Variants in PPARGC1A observed in about 807,000 individuals in gnomAD.
PPARGC1A encodes peroxisome proliferator-activated receptor gamma coactivator 1-alpha.
PPARGC1A carries 25 observed loss-of-function variants against 88.7 expected under a neutral mutation model. The observed-to-expected ratio is 0.28, with a 90% CI of 0.21 to 0.39. The LOEUF (loss-of-function observed/expected upper bound fraction) is 0.39. PPARGC1A is among the 10% of genes least tolerant of loss of function. The pLI, the probability that PPARGC1A is intolerant of heterozygous loss-of-function variation, is 1.00. For missense variants in PPARGC1A, 880 were observed against 968.7 expected (o/e 0.91, Z 1.22); for synonymous variants, 363 against 355.6 (o/e 1.02, Z -0.24).
chr4:23,989,122 A>G, the PPARGC1A span, among the ~76,000 whole-genome samples: 2 of 151,776 alleles, frequency 1.3e-5, no homozygotes, highest in South Asian at 4.1e-4. Flanking sequence ...GCCTGCAAGT[A>G]TATATTTATC....
chr4:23,929,799 A>G, the PPARGC1A span, among the ~76,000 whole-genome samples: 2 of 152,236 alleles, frequency 1.3e-5, no homozygotes, highest in South Asian at 4.1e-4. Flanking sequence ...AATAACAATA[A>G]CAAGAATAAT....
the PPARGC1A span, among the ~76,000 whole-genome samples, chr4:24,151,818 A>C: frequency 6.6e-6 from 1 of 152,180 alleles, no homozygotes; most frequent in Non-Finnish European, 1.5e-5. Context: ...TGGCATCCCA[A>C]ATAGGTCTAT....
the PPARGC1A span, among the ~76,000 whole-genome samples, chr4:24,177,301 T>C: frequency 1.3e-5 from 2 of 151,998 alleles, no homozygotes; most frequent in Non-Finnish European, 1.5e-5. Context: ...AAATGATGAG[T>C]TCATGTCCTT....
chr4:24,210,963 A>C, the PPARGC1A span, among the ~76,000 whole-genome samples: 1 of 152,172 alleles, frequency 6.6e-6, no homozygotes, highest in Non-Finnish European at 1.5e-5. Flanking sequence ...TAATAACAAT[A>C]ATAGCTCACC....
chr4:24,419,467 T>C, the PPARGC1A span, among the ~76,000 whole-genome samples: 3 of 144,548 alleles, frequency 2.1e-5, no homozygotes, highest in African/African-American at 7.8e-5. Flanking sequence ...ATACACAAAG[T>C]ATGCAATAGA....
the PPARGC1A span, among the ~76,000 whole-genome samples, chr4:24,316,643 C>T: frequency 6.6e-6 from 1 of 152,200 alleles, no homozygotes; most frequent in African/African-American, 2.4e-5. Context: ...CTTGGCTCTG[C>T]CATTTACTCA....
chr4:23,966,274 G>T, the PPARGC1A span, among the ~76,000 whole-genome samples: 20 of 152,246 alleles, frequency 1.3e-4, no homozygotes, highest in Non-Finnish European at 1.8e-4. Flanking sequence ...ACATCCAATA[G>T]AGCTTTCTGC....
At chr4:24,266,001 C>A in the PPARGC1A span, among the ~76,000 whole-genome samples, 8 of 152,164 alleles carry the variant, frequency 5.3e-5, no homozygotes, top group Admixed American at 5.2e-4. Flanking sequence ...GCTACAAATG[C>A]ACAGATTTAA....
the PPARGC1A span, among the ~76,000 whole-genome samples, chr4:24,019,757 G>A: frequency 6.6e-6 from 1 of 152,202 alleles, no homozygotes; most frequent in African/African-American, 2.4e-5. Context: ...TGCAGATATT[G>A]TTTCTTGACA....
the PPARGC1A span, among the ~76,000 whole-genome samples, chr4:24,339,229 TATATATATACAC>T: frequency 1.0e-5 from 1 of 100,084 alleles, no homozygotes; most frequent in African/African-American, 3.4e-5. Flanking sequence ...TATATATATA[TATATATATACAC>T]ACACACACAC....
At chr4:24,079,908 T>C in the PPARGC1A span, among the ~76,000 whole-genome samples, 3 of 152,082 alleles carry the variant, frequency 2.0e-5, no homozygotes, top group African/African-American at 7.2e-5. Context: ...ATTTGTCTGT[T>C]GATTCTTACT....
At chr4:24,460,366 A>C in the PPARGC1A span, among the ~76,000 whole-genome samples, 1 of 152,316 alleles carries the variant, frequency 6.6e-6, no homozygotes, top group Non-Finnish European at 1.5e-5. Flanking sequence ...TTTACGGTTT[A>C]CAAACACTCC....
the PPARGC1A span, among the ~76,000 whole-genome samples, chr4:24,129,843 G>A: frequency 4.6e-5 from 7 of 152,184 alleles, no homozygotes; most frequent in Non-Finnish European, 1.0e-4. Flanking sequence ...CATGTCCTTT[G>A]TGGGGACATG....
chr4:24,171,996 T>A, the PPARGC1A span, among the ~76,000 whole-genome samples: 1 of 152,208 alleles, frequency 6.6e-6, no homozygotes, highest in Non-Finnish European at 1.5e-5. Context: ...ATAATGTAAG[T>A]GTTCAGGATC....
the PPARGC1A span, among the ~76,000 whole-genome samples, chr4:24,172,158 A>C: frequency 6.6e-6 from 1 of 152,204 alleles, no homozygotes; most frequent in African/African-American, 2.4e-5. Context: ...AAGGCTCCCA[A>C]GATATAGCAC....
At chr4:24,317,169 C>G in the PPARGC1A span, among the ~76,000 whole-genome samples, 1 of 152,022 alleles carries the variant, frequency 6.6e-6, no homozygotes, top group South Asian at 2.1e-4. Flanking sequence ...AGTGGGCATA[C>G]TACCCTTAAC....
chr4:24,001,977 A>G, the PPARGC1A span, among the ~76,000 whole-genome samples: 2 of 151,778 alleles, frequency 1.3e-5, no homozygotes, highest in African/African-American at 4.8e-5. Context: ...GAAATGGGGG[A>G]AGGGCACAGA....
At chr4:24,347,975 C>T in the PPARGC1A span, among the ~76,000 whole-genome samples, 141 of 152,134 alleles carry the variant, frequency 9.3e-4, no homozygotes, top group Non-Finnish European at 1.5e-3. Context: ...ACAAGACTTA[C>T]AGCTCCTTTT....
At chr4:24,341,001 T>C in the PPARGC1A span, among the ~76,000 whole-genome samples, 1 of 152,176 alleles carries the variant, frequency 6.6e-6, no homozygotes, top group Non-Finnish European at 1.5e-5. Context: ...ATTTTCATTT[T>C]CCATCATAGG....
Sources: allele counts gnomAD v4.1 joint callset (sites outside exome capture counted in the v4.1 genomes callset), GRCh38; gene constraint gnomAD v4.1.1; transcripts MANE v1.5; gene names NCBI Gene and HGNC (gene_info 2026-07-23, HGNC 2026-07-21).